The following USP34 variants were observed in gnomAD, a reference collection of about 807,000 sequenced individuals.
USP34 encodes the protein ubiquitin specific peptidase 34.
In USP34, 70 loss-of-function variants were observed where a neutral mutation model predicts 460.3. The ratio of observed to expected loss-of-function variants is 0.15; its 90% CI spans 0.13 to 0.19. The LOEUF is 0.19. Ranked by LOEUF, USP34 falls within the 10% of genes least tolerant of loss-of-function variation. The pLI is 1.00. For synonymous variants in USP34, 1,647 were observed against 1,405.3 expected (o/e 1.17, Z -3.85); for missense variants, 3,985 against 4,236.2 (o/e 0.94, Z 1.65).
intron 16 of USP34, among the ~76,000 whole-genome samples, chr2:61,343,150 A>G (rs1475292448): frequency 2.0e-5 from 3 of 152,240 alleles, no homozygotes; most frequent in Admixed American, 6.5e-5. Context: ...TTACTAGGCC[A>G]GCATATGTTG....
At chr2:61,343,700 T>C in intron 16 of USP34, 115 bp downstream of exon 16, 1 of 1,134,080 alleles carries the variant, frequency 8.8e-7, no homozygotes, top group East Asian at 2.5e-5. Context: ...TGTAAGTTAT[T>C]TTGACAAAAA....
At chr2:61,410,499 G>A (rs1694005840) in intron 2 of USP34, among the ~76,000 whole-genome samples, 1 of 152,160 alleles carries the variant, frequency 6.6e-6, no homozygotes, top group African/African-American at 2.4e-5. Flanking sequence ...GTTCCTAATT[G>A]GGTACCAGTC....
At chr2:61,277,169 TCA>T (rs1383547772) in intron 41 of USP34, among the ~76,000 whole-genome samples, 1 of 152,164 alleles carries the variant, frequency 6.6e-6, no homozygotes, top group East Asian at 1.9e-4. Context: ...AGGATATGAT[TCA>T]CAGTTTAGGA....
chr2:61,256,563 G>A, intron 47 of USP34, 85 bp from the exon 48 acceptor site: 5 of 1,115,594 alleles, frequency 4.5e-6, no homozygotes, highest in Non-Finnish European at 6.2e-6. Flanking sequence ...AATTTTGACA[G>A]AATGCTCAGC....
intron 19 of USP34, among the ~76,000 whole-genome samples, chr2:61,332,493 G>C (rs1346678556): frequency 2.0e-5 from 3 of 152,070 alleles, no homozygotes; most frequent in Middle Eastern, 3.4e-3. Context: ...TCGGGTACTT[G>C]ATTAAGTAAC....
At chr2:61,295,078 A>G in intron 31 of USP34, 46 bp from the exon 32 acceptor site, 1 of 1,602,324 alleles carries the variant, frequency 6.2e-7, no homozygotes, top group Non-Finnish European at 8.5e-7. Context: ...GGAAGAAAGA[A>G]TTATTATAGA....
intron 5 of USP34, among the ~76,000 whole-genome samples, chr2:61,387,967 A>T (rs906156944): frequency 5.9e-5 from 9 of 151,462 alleles, no homozygotes; most frequent in African/African-American, 1.9e-4. Context: ...ACATATATAT[A>T]TATAAATATA....
At chr2:61,446,134 A>C (rs867179302) in intron 1 of USP34, among the ~76,000 whole-genome samples, 2 of 148,710 alleles carry the variant, frequency 1.3e-5, no homozygotes, top group South Asian at 4.4e-4. Flanking sequence ...AAAAAAAAAA[A>C]CTAAACTAAA....
chr2:61,204,997 G>A (rs375812811), intron 72 of USP34, among the ~76,000 whole-genome samples: 17 of 152,066 alleles, frequency 1.1e-4, no homozygotes, highest in Middle Eastern at 3.4e-3. Context: ...TGAAACTACC[G>A]GCATGCACCA....
At chr2:61,284,074 T>TA (rs1441170561) in intron 35 of USP34, among the ~76,000 whole-genome samples, 1 of 152,030 alleles carries the variant, frequency 6.6e-6, no homozygotes, top group Non-Finnish European at 1.5e-5. Context: ...ACAAACCAAA[T>TA]AAAAGAATCA....
chr2:61,322,266 G>C (rs890525283), intron 21 of USP34, among the ~76,000 whole-genome samples: 1 of 151,916 alleles, frequency 6.6e-6, no homozygotes. Flanking sequence ...AAGAAAAAAG[G>C]ACCCTTATGA....
At chr2:61,333,790 G>A (rs1404553415) in intron 19 of USP34, 92 bp downstream of exon 19, 1 of 840,960 alleles carries the variant, frequency 1.2e-6, no homozygotes, top group Non-Finnish European at 1.7e-6. Context: ...TCCTGGTACA[G>A]AGTAAAAGCT....
At chr2:61,249,162 A>AT (rs1247325290) in intron 48 of USP34, among the ~76,000 whole-genome samples, 4 of 152,162 alleles carry the variant, frequency 2.6e-5, no homozygotes, top group East Asian at 1.9e-4. Flanking sequence ...TCATCGTATG[A>AT]TTTTTTTCTT....
intron 69 of USP34, among the ~76,000 whole-genome samples, 185 bp downstream of exon 69, chr2:61,211,587 T>C (rs1284113419): frequency 1.3e-5 from 2 of 152,114 alleles, no homozygotes; most frequent in South Asian, 2.1e-4. Flanking sequence ...TGATAAAACA[T>C]ACACAAATAC....
intron 57 of USP34, among the ~76,000 whole-genome samples, chr2:61,232,870 C>G (rs866031238): frequency 1.2e-5 from 1 of 86,758 alleles, no homozygotes; most frequent in East Asian, 4.1e-4. Flanking sequence ...TCCCCCCCCC[C>G]TTTTTTTTTT....
At chr2:61,459,074 A>G (rs929187226) in intron 1 of USP34, among the ~76,000 whole-genome samples, 1 of 152,188 alleles carries the variant, frequency 6.6e-6, no homozygotes, top group Non-Finnish European at 1.5e-5. Flanking sequence ...TCGGGAAAAA[A>G]TAAAAACAAA....
chr2:61,437,616 A>G (rs1694848169), intron 1 of USP34, among the ~76,000 whole-genome samples: 1 of 151,932 alleles, frequency 6.6e-6, no homozygotes, highest in South Asian at 2.1e-4. Context: ...TAATAAAAAT[A>G]CAAAAAATTA....
intron 5 of USP34, among the ~76,000 whole-genome samples, chr2:61,384,213 A>G (rs973786441): frequency 2.6e-5 from 4 of 152,202 alleles, no homozygotes; most frequent in African/African-American, 7.2e-5. Flanking sequence ...TACAATAAAT[A>G]TATTTCCTCA....
At chr2:61,461,061 A>C (rs1405342993) in intron 1 of USP34, among the ~76,000 whole-genome samples, 1 of 151,904 alleles carries the variant, frequency 6.6e-6, no homozygotes, top group Non-Finnish European at 1.5e-5. Flanking sequence ...AATAAAACTT[A>C]CAAGTTAGAA....
Sources: allele counts gnomAD v4.1 joint callset (sites outside exome capture counted in the v4.1 genomes callset), GRCh38; gene constraint gnomAD v4.1.1; transcripts MANE v1.5; gene names NCBI Gene and HGNC (gene_info 2026-07-23, HGNC 2026-07-21).